GRAMD1B: variants seen among roughly 807,000 people sequenced by gnomAD.
GRAMD1B encodes the protein GRAM domain containing 1B.
In GRAMD1B, 37 loss-of-function variants were observed where a neutral mutation model predicts 99.7. The observed-to-expected ratio is 0.37, with a 90% CI of 0.29 to 0.49. The LOEUF (loss-of-function observed/expected upper bound fraction) is 0.49, where lower values mean the gene tolerates loss of function less well. GRAMD1B is among the 20% of genes least tolerant of loss of function. The pLI is 0.98. For synonymous variants in GRAMD1B, 427 were observed against 387.6 expected (o/e 1.10, Z -1.19); for missense variants, 888 against 1,009.2 (o/e 0.88, Z 1.63).
intron 4 of GRAMD1B, among the ~76,000 whole-genome samples, chr11:123,588,836 T>C (rs1486341113): frequency 6.6e-6 from 1 of 152,200 alleles, no homozygotes; most frequent in East Asian, 1.9e-4. Flanking sequence ...CCTGATACAG[T>C]ATCCCTTATC....
rs539452024 is a variant in GRAMD1B, at chr11:123,403,836, G to A, written c.-176+45037G>A. 2.0e-3 allele frequency among the ~76,000 whole-genome samples: 305 copies of A among 152,144 alleles called. 5 individuals are homozygous for A. Among genetic ancestry groups the A allele is most frequent in the African/African-American group, 7.0e-3 (292 of 41,518 alleles). ...TGGGATTACAGACGTGAGCCACCGC[G>A]CCCGGCCTGCTTGTCATTAGTTTTA... On this transcript the variant is annotated intron_variant, in intron 1 of 20. Coordinates refer to the GRAMD1B transcript ENST00000638157.
chr11:123,403,829 C>A (rs1947759559), intron 1 of GRAMD1B, among the ~76,000 whole-genome samples: 1 of 152,086 alleles, frequency 6.6e-6, no homozygotes, highest in Admixed American at 6.5e-5. Flanking sequence ...CAGACGTGAG[C>A]CACCGCGCCC....
At chr11:123,402,072 A>C (rs1391760404) in intron 1 of GRAMD1B, among the ~76,000 whole-genome samples, 1 of 152,164 alleles carries the variant, frequency 6.6e-6, no homozygotes, top group Non-Finnish European at 1.5e-5. Flanking sequence ...TTGGAGTACA[A>C]GGGTGCAATC....
rs1396157675 is a variant in GRAMD1B at position 123,625,974 on chromosome 11, G to GAGAGAGAGAGAGAGAA, written c.*3386_*3387insGAGAGAGAAAGAGAGA. On this transcript the variant is annotated 3_prime_UTR_variant, in exon 20 of 20. Transcript: ENST00000635736. ...AGAGAGAGAGAGAGAGAGAGAGAGA[G>GAGAGAGAGAGAGAGAA]AGAGAGATCGAGCTTGATGTATTGC... 1.5e-4 allele frequency: 12 copies of GAGAGAGAGAGAGAGAA among 80,572 alleles called. No individual in the cohort carries two copies. The South Asian group carries it at 6.1e-3, about 41-fold the overall frequency. 5.0% of individuals were successfully genotyped at this position (80,572 alleles called of 1,614,324 possible).
At chr11:123,361,840 G>A (rs1946157010) in intron 1 of GRAMD1B, among the ~76,000 whole-genome samples, 1 of 152,172 alleles carries the variant, frequency 6.6e-6, no homozygotes, top group African/African-American at 2.4e-5. Context: ...AGGAGGAGTG[G>A]CAACAGTGTT....
intron 1 of GRAMD1B, among the ~76,000 whole-genome samples, chr11:123,381,904 G>C (rs550843338): frequency 6.6e-6 from 1 of 152,164 alleles, no homozygotes; most frequent in Non-Finnish European, 1.5e-5. Context: ...CGGAGGCTTG[G>C]GGTGGGGTAA....
chr11:123,436,749 C>T (rs994519747), intron 1 of GRAMD1B, among the ~76,000 whole-genome samples: 5 of 152,218 alleles, frequency 3.3e-5, no homozygotes, highest in Middle Eastern at 3.4e-3. Context: ...GAACATAAGA[C>T]GGCACAATTT....
intron 2 of GRAMD1B, among the ~76,000 whole-genome samples, chr11:123,502,212 C>T (rs973745200): frequency 6.6e-6 from 1 of 152,200 alleles, no homozygotes; most frequent in Non-Finnish European, 1.5e-5. Flanking sequence ...TAGAGGGTCT[C>T]CCAGTGGCCT....
intron 2 of GRAMD1B, among the ~76,000 whole-genome samples, chr11:123,547,615 C>G (rs1945148017): frequency 6.6e-6 from 1 of 152,248 alleles, no homozygotes; most frequent in South Asian, 2.1e-4. Flanking sequence ...CTTCCCCTCT[C>G]TCTTCCTCCT....
intron 2 of GRAMD1B, among the ~76,000 whole-genome samples, chr11:123,562,803 A>AC (rs1946921447): frequency 6.6e-6 from 1 of 152,084 alleles, no homozygotes; most frequent in South Asian, 2.1e-4. Flanking sequence ...AGGGATATGC[A>AC]CCCCCACTTA....
At chr11:123,462,784 C>A (rs912734688) in intron 1 of GRAMD1B, among the ~76,000 whole-genome samples, 1 of 150,556 alleles carries the variant, frequency 6.6e-6, no homozygotes, top group Admixed American at 6.7e-5. Flanking sequence ...AACCAGAGAC[C>A]TTTGTTCACT....
intron 2 of GRAMD1B, among the ~76,000 whole-genome samples, chr11:123,496,931 C>T (rs761788768): frequency 6.6e-6 from 1 of 152,246 alleles, no homozygotes; most frequent in Non-Finnish European, 1.5e-5. Flanking sequence ...TCACATATCT[C>T]TGTTTCTCCA....
intron 2 of GRAMD1B, among the ~76,000 whole-genome samples, chr11:123,562,229 C>CA (rs902114604): frequency 5.5e-4 from 83 of 152,182 alleles, no homozygotes; most frequent in African/African-American, 1.9e-3. Flanking sequence ...ACACCTCCCA[C>CA]ACCCCCTCCC....
intron 2 of GRAMD1B, among the ~76,000 whole-genome samples, chr11:123,549,409 G>A (rs1945392043): frequency 6.6e-6 from 1 of 152,138 alleles, no homozygotes; most frequent in Admixed American, 6.6e-5. Context: ...GGCCATGGTG[G>A]CGGGTGCCTG....
At chr11:123,530,411 C>T (rs971853462) in intron 2 of GRAMD1B, among the ~76,000 whole-genome samples, 2 of 152,116 alleles carry the variant, frequency 1.3e-5, no homozygotes, top group African/African-American at 4.8e-5. Flanking sequence ...GAGTTTCACT[C>T]TTGTCACCCA....
chr11:123,470,163 G>C (rs931285374), intron 1 of GRAMD1B, among the ~76,000 whole-genome samples: 7 of 152,082 alleles, frequency 4.6e-5, no homozygotes, highest in Non-Finnish European at 1.0e-4. Context: ...TCATATTCAG[G>C]ACTCCTGCCC....
intron 2 of GRAMD1B, among the ~76,000 whole-genome samples, chr11:123,517,874 C>T (rs1371068094): frequency 1.3e-5 from 2 of 152,128 alleles, no homozygotes; most frequent in African/African-American, 4.8e-5. Flanking sequence ...GGGAGGACAA[C>T]AGGAAGCAGC....
At chr11:123,485,716 T>A (rs200503207) in intron 2 of GRAMD1B, among the ~76,000 whole-genome samples, 200 of 85,964 alleles carry the variant, frequency 2.3e-3, no homozygotes, top group Admixed American at 0.019. Context: ...TAATTCATTC[T>A]TTTTTTTTTT....
At chr11:123,360,381 G>T (rs749508187) in intron 1 of GRAMD1B, among the ~76,000 whole-genome samples, 3 of 152,164 alleles carry the variant, frequency 2.0e-5, no homozygotes, top group East Asian at 1.9e-4. Context: ...TCTAGTGTTT[G>T]CCCGAAGGCT....
Sources: allele counts gnomAD v4.1 joint callset (sites outside exome capture counted in the v4.1 genomes callset), GRCh38; gene constraint gnomAD v4.1.1; transcripts MANE v1.5; gene names NCBI Gene and HGNC (gene_info 2026-07-23, HGNC 2026-07-21).